ANKS1B: variants seen among roughly 807,000 people sequenced by gnomAD.
ANKS1B encodes ankyrin repeat and sterile alpha motif domain containing 1B, also known as ankyrin repeat and sterile alpha motif domain-containing protein 1B.
In ANKS1B, 36 loss-of-function variants were observed where a neutral mutation model predicts 148.3. The ratio of observed to expected loss-of-function variants is 0.24; its 90% confidence interval spans 0.19 to 0.32. The LOEUF (loss-of-function observed/expected upper bound fraction) is 0.32, where lower values mean the gene tolerates loss of function less well. ANKS1B is among the 10% of genes least tolerant of loss of function. The pLI is 1.00. For missense variants in ANKS1B, 1,157 were observed against 1,542.6 expected, an observed-to-expected ratio of 0.75 and a Z score of 4.19; for synonymous variants, 542 against 560.8, an observed-to-expected ratio of 0.97 and a Z score of 0.47.
intron 10 of ANKS1B, among the ~76,000 whole-genome samples, chr12:99,487,008 C>T (rs997988746): frequency 3.3e-5 from 5 of 152,172 alleles, no homozygotes; most frequent in South Asian, 2.1e-4. Flanking sequence ...ATGACATCTC[C>T]TTCTCCAAGG....
chr12:99,922,008 C>T (rs1490649588), intron 1 of ANKS1B, among the ~76,000 whole-genome samples: 4 of 152,066 alleles, frequency 2.6e-5, no homozygotes, highest in African/African-American at 9.7e-5. Flanking sequence ...GGTTCAAGTG[C>T]CAGCTCTGCC....
chr12:98,943,663 T>C (rs931694660), intron 17 of ANKS1B, among the ~76,000 whole-genome samples: 32 of 152,160 alleles, frequency 2.1e-4, no homozygotes, highest in African/African-American at 7.2e-4. Context: ...TCAAAGACCT[T>C]TGTGTGATTA....
intron 8 of ANKS1B, among the ~76,000 whole-genome samples, chr12:99,698,125 TA>T (rs1378674780): frequency 9.2e-5 from 14 of 152,028 alleles, no homozygotes; most frequent in African/African-American, 2.9e-4. Flanking sequence ...TTTTATATAA[TA>T]AAAACAAAAC....
chr12:99,139,072 G>T (rs2069170303), intron 15 of ANKS1B, among the ~76,000 whole-genome samples: 1 of 147,744 alleles, frequency 6.8e-6, no homozygotes, highest in South Asian at 2.2e-4. Flanking sequence ...TGTGCTCAGA[G>T]TTCACTGAAG....
intron 17 of ANKS1B, among the ~76,000 whole-genome samples, chr12:98,953,055 C>T (rs1177504757): frequency 6.6e-6 from 1 of 151,166 alleles, no homozygotes; most frequent in East Asian, 2.0e-4. Flanking sequence ...GAATCTCACT[C>T]TGTTGCCCAG....
chr12:99,898,793 A>T (rs2093481158), intron 1 of ANKS1B, among the ~76,000 whole-genome samples: 1 of 152,228 alleles, frequency 6.6e-6, no homozygotes, highest in African/African-American at 2.4e-5. Context: ...TTCATTTTTC[A>T]TAACATTTCA....
chr12:99,506,409 T>C (rs554603360), intron 9 of ANKS1B, among the ~76,000 whole-genome samples: 78 of 151,964 alleles, frequency 5.1e-4, no homozygotes, highest in Non-Finnish European at 9.3e-4. Flanking sequence ...ATTATGGTCA[T>C]GATACTCCAT....
intron 12 of ANKS1B, among the ~76,000 whole-genome samples, chr12:99,280,167 T>TGTGTATGTGTGTGTGTGTAC: frequency 6.7e-6 from 1 of 149,306 alleles, no homozygotes; most frequent in African/African-American, 2.6e-5. Flanking sequence ...TGTGTGTGTG[T>TGTGTATGTGTGTGTGTGTAC]GTGTATGTGT....
intron 8 of ANKS1B, among the ~76,000 whole-genome samples, chr12:99,753,534 GGTA>G (rs2061301896): frequency 6.6e-6 from 1 of 152,032 alleles, no homozygotes; most frequent in Admixed American, 6.6e-5. Context: ...TGTAGTGGCT[GGTA>G]ACAGTCTTTC....
intron 12 of ANKS1B, among the ~76,000 whole-genome samples, chr12:99,372,598 A>G (rs894464915): frequency 6.6e-6 from 1 of 152,144 alleles, no homozygotes; most frequent in Non-Finnish European, 1.5e-5. Context: ...AAGACTGTTA[A>G]ATAGGGGTTT....
intron 17 of ANKS1B, among the ~76,000 whole-genome samples, chr12:98,990,746 A>C (rs892145516): frequency 6.6e-6 from 1 of 152,210 alleles, no homozygotes; most frequent in Non-Finnish European, 1.5e-5. Flanking sequence ...AAATTAGGGC[A>C]GTGAAGACCT....
At position 99,403,152 on chromosome 12, in the gene ANKS1B, C is replaced by CTTTTTT. The variant is rs143800860; in HGVS notation, c.1576-3347_1576-3342dup. Among the ~76,000 whole-genome samples the CTTTTTT allele has an allele frequency of 1.2e-4, 9 of 73,156 alleles. No homozygotes were observed. The East Asian group carries it at 1.7e-3, about 14-fold the overall frequency. The allele number at this position is 73,156 out of a possible 152,430, so 48.0% of individuals were successfully genotyped here. ...CAGCAGTGTCTGTTCACTTTTCTTT[C>CTTTTTT]TTTTTTTTTTTTTTTTTTTTTTTTT... On this transcript the variant is annotated intron_variant, in intron 11 of 26. Coordinates refer to ENST00000683438, the MANE Select transcript of ANKS1B (RefSeq NM_001352186.2).
At chr12:99,215,842 T>C (rs1006178570) in intron 14 of ANKS1B, among the ~76,000 whole-genome samples, 5 of 152,202 alleles carry the variant, frequency 3.3e-5, no homozygotes, top group African/African-American at 1.2e-4. Flanking sequence ...TGTGGACTTT[T>C]GAGTTAATGC....
intron 10 of ANKS1B, among the ~76,000 whole-genome samples, chr12:99,454,983 T>G (rs1216340542): frequency 6.6e-6 from 1 of 152,044 alleles, no homozygotes; most frequent in Non-Finnish European, 1.5e-5. Flanking sequence ...ATCACATCAG[T>G]AATCCGTGGA....
chr12:99,614,945 A>G (rs1293168391), intron 9 of ANKS1B, among the ~76,000 whole-genome samples: 6 of 152,102 alleles, frequency 3.9e-5, no homozygotes, highest in Non-Finnish European at 5.9e-5. Flanking sequence ...AATGAAATGA[A>G]TCTCAAGAAA....
intron 14 of ANKS1B, among the ~76,000 whole-genome samples, chr12:99,195,934 T>C (rs1468784723): frequency 6.6e-6 from 1 of 152,112 alleles, no homozygotes; most frequent in East Asian, 1.9e-4. Context: ...CATTATGATG[T>C]GATTTATATG....
At chr12:99,510,116 T>C (rs1351845776) in intron 9 of ANKS1B, among the ~76,000 whole-genome samples, 2 of 151,974 alleles carry the variant, frequency 1.3e-5, no homozygotes, top group South Asian at 4.1e-4. Context: ...TTTCAAAATA[T>C]TACTATTCAT....
intron 14 of ANKS1B, among the ~76,000 whole-genome samples, chr12:99,172,203 A>G (rs1242770835): frequency 1.3e-5 from 2 of 152,180 alleles, no homozygotes; most frequent in Admixed American, 1.3e-4. Flanking sequence ...ATGTGCATGT[A>G]TGAGGAGGGA....
intron 1 of ANKS1B, among the ~76,000 whole-genome samples, chr12:99,835,845 T>C (rs1044877686): frequency 6.6e-6 from 1 of 152,214 alleles, no homozygotes. Context: ...ACCTAGAAGA[T>C]GGGTTGATCT....
Sources: allele counts gnomAD v4.1 joint callset (sites outside exome capture counted in the v4.1 genomes callset), GRCh38; gene constraint gnomAD v4.1.1; transcripts MANE v1.5; gene names NCBI Gene and HGNC (gene_info 2026-07-23, HGNC 2026-07-21).